LARP1: variants seen among roughly 807,000 people sequenced by gnomAD.
The protein encoded by LARP1 is la-related protein 1.
In LARP1, 36 loss-of-function variants were observed where a neutral mutation model predicts 122.7. The ratio of observed to expected loss-of-function variants is 0.29; its 90% CI spans 0.22 to 0.39. LARP1 has a LOEUF of 0.39. LARP1 is among the 10% of genes least tolerant of loss of function. The probability of loss-of-function intolerance (pLI) is 1.00; values close to 1 mark genes in which losing one functional copy is unlikely to be tolerated. For missense variants in LARP1, 1,040 were observed against 1,403.6 expected (o/e 0.74, Z 4.14); for synonymous variants, 539 against 528.7 (o/e 1.02, Z -0.27).
At chr5:154,723,338 G>A (rs545459140) in intron 1 of LARP1, among the ~76,000 whole-genome samples, 175 of 152,322 alleles carry the variant, frequency 1.1e-3, no homozygotes, top group Admixed American at 1.5e-3. Context: ...GTGGCCAGGT[G>A]GAGACTGGGG....
chr5:154,801,959 C>T (rs376677420), intron 10 of LARP1, 48 bp from the exon 11 acceptor site: 181 of 1,546,160 alleles, frequency 1.2e-4, no homozygotes, highest in Non-Finnish European at 1.5e-4. Context: ...AGAATCTGGG[C>T]CAAGGATCTC....
At chr5:154,717,421 A>G (rs1246465279) in intron 1 of LARP1, among the ~76,000 whole-genome samples, 1 of 152,154 alleles carries the variant, frequency 6.6e-6, no homozygotes, top group East Asian at 1.9e-4. Context: ...TAGGTAAGTT[A>G]TGGCACCTGT....
intron 1 of LARP1, among the ~76,000 whole-genome samples, chr5:154,688,212 G>T (rs866095247): frequency 2.0e-5 from 3 of 152,128 alleles, no homozygotes; most frequent in Non-Finnish European, 2.9e-5. Context: ...GGGTGGCGAG[G>T]CTCCTGCAGT....
At position 154,811,455 on chromosome 5, in the gene LARP1, C is replaced by G; in HGVS notation, c.2954-58C>G. ...TCTGTGTATTACACAACACCTCCCT[C>G]TCTCCTCTGAGCTTCTTTATCCTCA... On this transcript the variant is annotated intron_variant, in intron 17 of 18. Transcript: ENST00000518297. 5 of 1,612,726 alleles carry G rather than the reference C, an allele frequency of 3.1e-6. No individual in the cohort carries two copies. The Admixed American group carries it at 8.3e-5, about 27-fold the overall frequency.
At chr5:154,804,140 T>A in intron 13 of LARP1, 61 bp from the exon 14 acceptor site, 3 of 1,213,672 alleles carry the variant, frequency 2.5e-6, no homozygotes, top group Non-Finnish European at 2.4e-6. Context: ...CTACAAGTGC[T>A]TGATGCTCCT....
At chr5:154,777,660 T>C (rs1393042688) in intron 1 of LARP1, among the ~76,000 whole-genome samples, 1 of 152,194 alleles carries the variant, frequency 6.6e-6, no homozygotes, top group Admixed American at 6.5e-5. Flanking sequence ...TAGTCAGCAA[T>C]AATTTATTGT....
In LARP1 at chr5:154,792,669, G is replaced by A; in HGVS notation, c.612G>A (p.Lys204=). The A allele has an allele frequency of 6.2e-7, 1 of 1,614,096 alleles. No individual in the cohort carries two copies. The highest frequency in any genetic ancestry group is 8.5e-7 in the Non-Finnish European group (1 of 1,179,992). The change falls in exon 4 of 19, where the codon AAG becomes AAA. Residue 204 remains lysine (K), a synonymous_variant. Transcript: ENST00000518297. The stretch of plus-strand genomic sequence containing the variant: ...CTACCCGTAAACTGCCACCCAAGAA[G>A]GACATGAAGGAACAGGAGAAAGGAG... ...PQPTRKLPPK[K]DMKEQEKGEG...
At chr5:154,810,164 T>C (rs1485846194) in intron 16 of LARP1, among the ~76,000 whole-genome samples, 6 of 152,142 alleles carry the variant, frequency 3.9e-5, no homozygotes, top group African/African-American at 1.4e-4. Flanking sequence ...GACTGGGTGC[T>C]GTGGCTCACA....
At chr5:154,732,393 A>G (rs1299981919) in intron 1 of LARP1, among the ~76,000 whole-genome samples, 2 of 152,318 alleles carry the variant, frequency 1.3e-5, no homozygotes, top group Non-Finnish European at 2.9e-5. Context: ...CATTGAAGGG[A>G]TAACAGTGAA....
At chr5:154,770,015 G>C (rs750607317) in intron 1 of LARP1, among the ~76,000 whole-genome samples, 4 of 152,176 alleles carry the variant, frequency 2.6e-5, no homozygotes, top group African/African-American at 2.4e-5. Context: ...GCCTTTGGAG[G>C]CCAGCTTAGG....
intron 1 of LARP1, among the ~76,000 whole-genome samples, chr5:154,788,801 G>GA (rs1342311366): frequency 4.6e-5 from 7 of 151,850 alleles, no homozygotes; most frequent in Non-Finnish European, 8.8e-5. Flanking sequence ...TGTCTTTGTT[G>GA]AAAAACTGAA....
chr5:154,767,763 C>G (rs1407436634), intron 1 of LARP1, among the ~76,000 whole-genome samples: 1 of 152,108 alleles, frequency 6.6e-6, no homozygotes, highest in African/African-American at 2.4e-5. Context: ...TGTGTATTAA[C>G]AGTGGTAGGA....
chr5:154,755,524 G>A lies in LARP1; in HGVS notation c.-234G>A. 1.0e-6 allele frequency: 1 copy of A among 985,124 alleles called. No homozygotes were observed. Among genetic ancestry groups the A allele is most frequent in the Non-Finnish European group, 1.2e-6 (1 of 828,074 alleles). The allele number at this position is 985,124 out of a possible 1,614,324, so 61.0% of individuals were successfully genotyped here. On this transcript the variant is annotated 5_prime_UTR_variant, in exon 1 of 19. Transcript: ENST00000518297. ...GGGGGGACGCACGCCTAGGAGGCCT[G>A]GACTGCAGAGTGGGGGGCCTTCCTC...
rs759058359 is a variant in LARP1 at position 154,712,888 on chromosome 5, T to C, written c.-38T>C. On this transcript the variant is annotated 5_prime_UTR_variant, in exon 1 of 19. Coordinates refer to the LARP1 transcript ENST00000336314. ...GTGCGATCTGGATGTACCTAAACCC[T>C]CCAGGGCCACATAGTGACCCCAGGC... is the stretch of plus-strand genomic sequence containing the variant. The C allele has an allele frequency of 2.5e-6, 4 of 1,584,816 alleles. No individual in the cohort carries two copies. The African/African-American group carries it at 5.4e-5, about 21-fold the overall frequency.
At chr5:154,813,159 C>G (rs1185269627) in intron 18 of LARP1, among the ~76,000 whole-genome samples, 1 of 152,144 alleles carries the variant, frequency 6.6e-6, no homozygotes, top group Non-Finnish European at 1.5e-5. Flanking sequence ...TCAGGTCTCT[C>G]AATATAAACA....
intron 1 of LARP1, among the ~76,000 whole-genome samples, chr5:154,686,781 C>G (rs1044016946): frequency 6.6e-6 from 1 of 152,226 alleles, no homozygotes; most frequent in African/African-American, 2.4e-5. Flanking sequence ...TCAGATCCTA[C>G]AGACCCTTAA....
chr5:154,772,369 C>T (rs1755509080), intron 1 of LARP1, among the ~76,000 whole-genome samples: 1 of 152,102 alleles, frequency 6.6e-6, no homozygotes, highest in African/African-American at 2.4e-5. Flanking sequence ...GTGACTATGG[C>T]ATTGGATAGC....
chr5:154,737,700 T>C (rs753659329), intron 1 of LARP1, among the ~76,000 whole-genome samples: 1 of 152,086 alleles, frequency 6.6e-6, no homozygotes, highest in Non-Finnish European at 1.5e-5. Flanking sequence ...AGTTCTGTAA[T>C]GCTGCAGCAG....
chr5:154,734,167 CAA>C (rs200029143), intron 1 of LARP1, among the ~76,000 whole-genome samples: 7 of 124,380 alleles, frequency 5.6e-5, no homozygotes, highest in Admixed American at 8.2e-5. Context: ...AACTCCCTCT[CAA>C]AAAAAAAAAA....
Sources: gnomAD v4.1 joint callset for allele counts (sites outside exome capture counted in the v4.1 genomes callset) on GRCh38, gnomAD v4.1.1 for gene constraint, MANE v1.5 for transcripts, NCBI Gene and HGNC (gene_info 2026-07-23, HGNC 2026-07-21) for gene names.